Variants in MARCHF3 observed in about 807,000 individuals in gnomAD.
MARCHF3 encodes membrane associated ring-CH-type finger 3.
In MARCHF3, 13 loss-of-function variants were observed where a neutral mutation model predicts 24.2. The ratio of observed to expected loss-of-function variants is 0.54; its 90% CI spans 0.35 to 0.85. The LOEUF (loss-of-function observed/expected upper bound fraction) is 0.85, where lower values mean the gene tolerates loss of function less well. MARCHF3 is among the 40% of genes least tolerant of loss of function. The pLI, the probability that MARCHF3 is intolerant of heterozygous loss-of-function variation, is 0.01. For synonymous variants in MARCHF3, 144 were observed against 137.3 expected, an observed-to-expected ratio of 1.05 and a Z score of -0.34; for missense variants, 276 against 325.0, an observed-to-expected ratio of 0.85 and a Z score of 1.16.
intron 3 of MARCHF3, among the ~76,000 whole-genome samples, chr5:126,895,169 T>G (rs1368054308): frequency 6.6e-6 from 1 of 152,068 alleles, no homozygotes; most frequent in Non-Finnish European, 1.5e-5. Context: ...ATCAGCTCCT[T>G]TAAGCACTTC....
At chr5:126,972,219 T>C (rs960702644) in intron 1 of MARCHF3, among the ~76,000 whole-genome samples, 13 of 146,232 alleles carry the variant, frequency 8.9e-5, no homozygotes, top group African/African-American at 3.3e-4. Context: ...TGGAACAGAG[T>C]GTTTGACTGC....
At chr5:126,956,350 G>A (rs184100214) in intron 1 of MARCHF3, among the ~76,000 whole-genome samples, 43 of 152,142 alleles carry the variant, frequency 2.8e-4, no homozygotes, top group Non-Finnish European at 5.1e-4. Context: ...TAGAAAGCTT[G>A]AACTAGGTCC....
At chr5:126,976,825 C>T (rs973472896) in intron 1 of MARCHF3, among the ~76,000 whole-genome samples, 28 of 152,246 alleles carry the variant, frequency 1.8e-4, no homozygotes, top group Admixed American at 1.3e-4. Flanking sequence ...CACCTGCTCA[C>T]GTGGCAGGCA....
intron 3 of MARCHF3, among the ~76,000 whole-genome samples, chr5:126,908,650 G>A (rs963014686): frequency 1.3e-5 from 2 of 151,522 alleles, no homozygotes; most frequent in Admixed American, 6.6e-5. Context: ...TGTTGCTCTC[G>A]AGCCTTGGTT....
rs1344689813 is a variant in MARCHF3 at position 126,869,636 on chromosome 5, T to C, written c.*997A>G. ...TCTACCTGTCAAGCTAGAAATTCAA[T>C]AGAGCAATGGGAATGCTAATTGACA... On this transcript the variant is annotated 3_prime_UTR_variant, in exon 5 of 5. Coordinates refer to ENST00000308660, the MANE Select transcript of MARCHF3 (RefSeq NM_178450.5). 1 of 127,794 alleles carries C rather than the reference T, an allele frequency of 7.8e-6. No homozygotes were observed. The highest frequency in any genetic ancestry group is 1.6e-5 in the Non-Finnish European group (1 of 62,926). 7.9% of individuals were successfully genotyped at this position (127,794 alleles called of 1,614,324 possible). A position where few individuals can be genotyped will look rare whatever the true frequency, so the allele number is the denominator to read the frequency against.
chr5:126,972,224 G>T (rs1449924106), intron 1 of MARCHF3, among the ~76,000 whole-genome samples: 1 of 142,916 alleles, frequency 7.0e-6, no homozygotes, highest in Non-Finnish European at 1.5e-5. Flanking sequence ...CAGAGTGTTT[G>T]ACTGCTTAAA....
intron 3 of MARCHF3, among the ~76,000 whole-genome samples, chr5:126,881,509 C>A (rs1224553659): frequency 6.6e-6 from 1 of 151,856 alleles, no homozygotes; most frequent in East Asian, 1.9e-4. Context: ...AGCTTATATT[C>A]CTAGCAATAT....
intron 3 of MARCHF3, among the ~76,000 whole-genome samples, chr5:126,911,088 C>T (rs571163231): frequency 3.9e-5 from 6 of 152,268 alleles, no homozygotes; most frequent in African/African-American, 1.4e-4. Context: ...TTTGGTCAGA[C>T]CAGTTGTCTA....
chr5:127,026,222 T>C (rs1266182158), intron 1 of MARCHF3, among the ~76,000 whole-genome samples: 1 of 152,208 alleles, frequency 6.6e-6, no homozygotes, highest in East Asian at 1.9e-4. Flanking sequence ...TCCCATTGTA[T>C]GATCAGGGGC....
intron 4 of MARCHF3, among the ~76,000 whole-genome samples, chr5:126,877,048 T>C (rs1753185359): frequency 6.6e-6 from 1 of 152,198 alleles, no homozygotes; most frequent in East Asian, 1.9e-4. Context: ...TCAGATAAGT[T>C]CTTAGCATTA....
chr5:126,872,073 T>G (rs1752989187), intron 4 of MARCHF3, among the ~76,000 whole-genome samples: 1 of 116,208 alleles, frequency 8.6e-6, no homozygotes, highest in Non-Finnish European at 1.8e-5. Flanking sequence ...GAGATCCTTG[T>G]CTTTTTTTTT....
chr5:126,868,800 T>A lies in MARCHF3; in HGVS notation c.*1833A>T, dbSNP rs141573058. On this transcript the variant is annotated 3_prime_UTR_variant, in exon 5 of 5. Coordinates refer to ENST00000308660, the MANE Select transcript of MARCHF3 (RefSeq NM_178450.5). ...CAATTCACCAGCTACCAAGTTGGAC[T>A]CTTTGCTCTGGAAATTTAATGTGTG... 3 of 152,366 alleles carry A rather than the reference T, an allele frequency of 2.0e-5. No individual in the cohort carries two copies. Among genetic ancestry groups the A allele is most frequent in the African/African-American group, 7.2e-5 (3 of 41,584 alleles). The allele number at this position is 152,366 out of a possible 1,614,324, so 9.4% of individuals were successfully genotyped here.
chr5:126,957,409 C>T (rs1343782167), intron 1 of MARCHF3, among the ~76,000 whole-genome samples: 2 of 152,208 alleles, frequency 1.3e-5, no homozygotes, highest in East Asian at 1.9e-4. Flanking sequence ...CAGTCTCTTC[C>T]ATCATTCCTG....
intron 1 of MARCHF3, among the ~76,000 whole-genome samples, chr5:127,021,685 A>G (rs1166060601): frequency 1.3e-5 from 2 of 152,354 alleles, no homozygotes; most frequent in South Asian, 2.1e-4. Context: ...CAGGGGCAGG[A>G]AAGTGGTAGA....
chr5:127,023,261 C>A (rs190150924), intron 1 of MARCHF3, among the ~76,000 whole-genome samples: 12 of 152,296 alleles, frequency 7.9e-5, no homozygotes, highest in Admixed American at 7.8e-4. Flanking sequence ...AATCCATGTA[C>A]ATATAAAAAC....
chr5:126,995,628 G>A (rs1751926663), intron 1 of MARCHF3, among the ~76,000 whole-genome samples: 1 of 152,154 alleles, frequency 6.6e-6, no homozygotes, highest in South Asian at 2.1e-4. Context: ...CACATCCTGG[G>A]TATTCAAAGA....
intron 2 of MARCHF3, among the ~76,000 whole-genome samples, 162 bp downstream of exon 2, chr5:126,917,822 C>A (rs148186471): frequency 6.6e-6 from 1 of 151,366 alleles, no homozygotes; most frequent in African/African-American, 2.4e-5. Flanking sequence ...GCTATAGAAA[C>A]GGCAATAACA....
At chr5:126,961,040 A>G (rs1212750357) in intron 1 of MARCHF3, among the ~76,000 whole-genome samples, 3 of 152,168 alleles carry the variant, frequency 2.0e-5, no homozygotes, top group Admixed American at 2.0e-4. Context: ...TTTATATTAT[A>G]CAAATGCAGC....
chr5:126,927,186 C>A (rs1042857108), intron 1 of MARCHF3, among the ~76,000 whole-genome samples: 1 of 152,114 alleles, frequency 6.6e-6, no homozygotes, highest in Non-Finnish European at 1.5e-5. Context: ...TAAAATGGGT[C>A]CAGTCTTTTA....
Sources: allele counts gnomAD v4.1 joint callset (sites outside exome capture counted in the v4.1 genomes callset), GRCh38; gene constraint gnomAD v4.1.1; transcripts MANE v1.5; gene names NCBI Gene and HGNC (gene_info 2026-07-23, HGNC 2026-07-21).